The following PDE6B variants were observed in gnomAD, a reference collection of about 807,000 sequenced individuals.
The protein encoded by PDE6B is phosphodiesterase 6B, also known as rod cGMP-specific 3',5'-cyclic phosphodiesterase subunit beta.
Under a neutral mutation model 109.0 loss-of-function variants are expected in PDE6B, and 106 were observed. That is an observed-to-expected ratio of 0.97 (90% CI 0.83 to 1.14). The LOEUF is 1.14. Ranked by LOEUF, PDE6B falls within the 50% of genes most tolerant of loss-of-function variation. PDE6B has a pLI of 0.00. For missense variants in PDE6B, 1,193 were observed against 1,155.6 expected, an observed-to-expected ratio of 1.03 and a Z score of -0.47; for synonymous variants, 490 against 471.3, an observed-to-expected ratio of 1.04 and a Z score of -0.51.
Position 670,118 on chromosome 4 carries a change from C to T in PDE6B, c.*11C>T, listed in dbSNP as rs1048934516. 3.7e-5 allele frequency: 59 copies of T among 1,610,934 alleles called. No individual in the cohort carries two copies. The highest frequency in any genetic ancestry group is 4.4e-5 in the Non-Finnish European group (52 of 1,177,796). On this transcript the variant is annotated 3_prime_UTR_variant, in exon 22 of 22. Coordinates refer to ENST00000496514, the MANE Select transcript of PDE6B (RefSeq NM_000283.4). ...TGCTGTATCCTGTGAGCACTGGTCCCATGGGGACCCTATGGCTCCCTCAAT... is the reference window on the plus strand; with the variant it reads ...TGCTGTATCCTGTGAGCACTGGTCCTATGGGGACCCTATGGCTCCCTCAAT...
rs779476643 is a variant in PDE6B, at chr4:660,607, C to T, written c.1608C>T (p.Pro536=). ...ELGVVRKFQI[P]QEVLVRFLFS... is the part of the protein sequence containing the mutation. ...GCGTGGTCCGAAAGTTCCAGATCCCCCAGGAGGTGGGAGACACCGCAGGGC... is the reference window on the plus strand; with the variant it reads ...GCGTGGTCCGAAAGTTCCAGATCCCTCAGGAGGTGGGAGACACCGCAGGGC... The change falls in exon 12 of 22, where the codon CCC becomes CCT. Residue 536 remains proline, a synonymous_variant. Transcript: ENST00000496514. The T allele has an allele frequency of 1.2e-5, 19 of 1,613,586 alleles. No individual in the cohort carries two copies. Among genetic ancestry groups the T allele is most frequent in the Non-Finnish European group, 1.6e-5 (19 of 1,179,898 alleles).
Position 625,826 on chromosome 4 carries a change from A to G in PDE6B, c.200A>G (p.Gln67Arg), listed in dbSNP as rs1218102158. The change falls in exon 1 of 22, where the codon CAG becomes CGG. Residue 67 changes from glutamine (Q) to arginine (R), a missense_variant. Physicochemically the swap from Gln to Arg is conservative, Grantham distance 43 (BLOSUM62 1). Coordinates refer to ENST00000496514, the MANE Select transcript of PDE6B (RefSeq NM_000283.4). The surrounding 1 kb of genome is among the most constrained non-coding windows in gnomAD (Gnocchi z 5.0). ...CTGCTGGAGCTGGTGCAGGATATGCAGGAGAGCATCAACATGGAGCGCGTG... is the reference window on the plus strand; with the variant it reads ...CTGCTGGAGCTGGTGCAGGATATGCGGGAGAGCATCAACATGGAGCGCGTG... Reference protein sequence around the residue: ...TALLELVQDMQESINMERVVF... With the variant: ...TALLELVQDMRESINMERVVF... 6.2e-7 allele frequency: 1 copy of G among 1,613,112 alleles called. No homozygotes were observed. Among genetic ancestry groups the G allele is most frequent in the Admixed American group, 1.7e-5 (1 of 60,020 alleles).
intron 3 of PDE6B, chr4:653,630 G>C (rs1735805523): frequency 3.2e-6 from 2 of 623,890 alleles, no homozygotes; most frequent in African/African-American, 3.6e-5. Flanking sequence ...CACGACCGCA[G>C]CCTCGAGGCC....
At chr4:653,635 G>A (rs570554954) in intron 3 of PDE6B, 238 of 634,490 alleles carry the variant, frequency 3.8e-4, no homozygotes, top group Non-Finnish European at 6.0e-4. Context: ...CCGCAGCCTC[G>A]AGGCCTCACC....
rs1737731755 is a variant in PDE6B at position 665,832 on chromosome 4, C to G, written c.2268+503C>G. ...CCAGGAACAGGAGAGGCAGGGCTGCCCCAGCCCCACGTGGACCAGGTGGGA... is the reference window on the plus strand; with the variant it reads ...CCAGGAACAGGAGAGGCAGGGCTGCGCCAGCCCCACGTGGACCAGGTGGGA... On this transcript the variant is annotated intron_variant, in intron 19 of 21. Coordinates refer to ENST00000496514, the MANE Select transcript of PDE6B (RefSeq NM_000283.4). The surrounding 1 kb of genome is among the most constrained non-coding windows in gnomAD (Gnocchi z 4.0). Among the ~76,000 whole-genome samples, 1 of 152,102 alleles carries G rather than the reference C, an allele frequency of 6.6e-6. No homozygotes were observed. Among genetic ancestry groups the G allele is most frequent in the Non-Finnish European group, 1.5e-5 (1 of 67,998 alleles).
chr4:665,479 C>T lies in PDE6B; in HGVS notation c.2268+150C>T, dbSNP rs1466082611. 1.4e-5 allele frequency: 10 copies of T among 702,330 alleles called. No homozygotes were observed. Among genetic ancestry groups the T allele is most frequent in the East Asian group, 5.5e-5 (2 of 36,536 alleles). 43.5% of individuals were successfully genotyped at this position (702,330 alleles called of 1,614,324 possible). On this transcript the variant is annotated intron_variant, in intron 19 of 21. Transcript: ENST00000496514. This position sits in a 1 kb window ranked among gnomAD's most constrained non-coding sequence, Gnocchi z 4.0. Reference sequence around the variant, plus strand: ...TCACTTTGTGGGATCATGTGACATGCGTGTGGGTGGCTCGGACCTGGGTAC... The same window carrying T: ...TCACTTTGTGGGATCATGTGACATGTGTGTGGGTGGCTCGGACCTGGGTAC...
intron 1 of PDE6B, among the ~76,000 whole-genome samples, chr4:627,159 T>C (rs1433273063): frequency 1.3e-5 from 2 of 151,482 alleles, no homozygotes; most frequent in Non-Finnish European, 3.0e-5. Context: ...GGTTTTTTTT[T>C]TTTTTGAGAC....
chr4:665,733 C>T lies in PDE6B; in HGVS notation c.2268+404C>T, dbSNP rs1277370246. 1.3e-5 allele frequency among the ~76,000 whole-genome samples: 2 copies of T among 152,194 alleles called. No individual in the cohort carries two copies. Among genetic ancestry groups the T allele is most frequent in the East Asian group, 3.9e-4 (2 of 5,176 alleles). On this transcript the variant is annotated intron_variant, in intron 19 of 21. Transcript: ENST00000496514. The surrounding 1 kb of genome is among the most constrained non-coding windows in gnomAD (Gnocchi z 4.0). ...GTATGATGGACAATGCCAGGGTCCT[C>T]AGGTCAGCAGCGGGGTCTGGATACC... is the stretch of plus-strand genomic sequence containing the variant.
Position 643,531 on chromosome 4 carries a change from A to G in PDE6B, c.711+7562A>G, listed in dbSNP as rs140935533. On this transcript the variant is annotated intron_variant, in intron 3 of 21. Coordinates refer to ENST00000496514, the MANE Select transcript of PDE6B (RefSeq NM_000283.4). ...TTTGGTCAGATTCACCAGTGAAACT[A>G]TTAGGGACTGGTGCTTTCTTTTTGG... 1.9e-3 allele frequency among the ~76,000 whole-genome samples: 295 copies of G among 152,276 alleles called. 1 individual carries two copies. Among genetic ancestry groups the G allele is most frequent in the African/African-American group, 6.7e-3 (279 of 41,538 alleles).
At chr4:638,001 G>A (rs1307575006) in intron 3 of PDE6B, among the ~76,000 whole-genome samples, 1 of 152,170 alleles carries the variant, frequency 6.6e-6, no homozygotes, top group Non-Finnish European at 1.5e-5. Context: ...TAGAATACGG[G>A]GTTGATGAAG....
At position 655,922 on chromosome 4, in the gene PDE6B, C is replaced by T. The variant is rs374725416; in HGVS notation, c.993-18C>T. 131 of 1,569,776 alleles carry T rather than the reference C, an allele frequency of 8.3e-5. No individual in the cohort carries two copies. In the African/African-American group the frequency reaches 1.3e-3, roughly 16 times the overall value. On this transcript the variant is annotated intron_variant, in intron 6 of 21. Coordinates refer to ENST00000496514, the MANE Select transcript of PDE6B (RefSeq NM_000283.4). Reference sequence around the variant, plus strand: ...CCAGCCCGGCGTGGCCTATCTGACCCCTGCTCTCTGCCCACAGCACACCCT... The same window carrying T: ...CCAGCCCGGCGTGGCCTATCTGACCTCTGCTCTCTGCCCACAGCACACCCT...
chr4:653,594 C>G (rs1278887174), intron 3 of PDE6B: 6 of 582,364 alleles, frequency 1.0e-5, no homozygotes, highest in Non-Finnish European at 1.8e-5. Context: ...CCACTTTCCA[C>G]TCGTCCACTC....
chr4:660,387 G>A lies in PDE6B; in HGVS notation c.1468-80G>A, dbSNP rs1442988733. ...CTGAGGTGTCTGAGGCTTGGCAGGG[G>A]ATCTGGAGAGAAGAAAGGATGAGAA... On this transcript the variant is annotated intron_variant, in intron 11 of 21. Coordinates refer to ENST00000496514, the MANE Select transcript of PDE6B (RefSeq NM_000283.4). The A allele has an allele frequency of 1.8e-5, 25 of 1,410,036 alleles. No homozygotes were observed. The East Asian group carries it at 5.2e-4, about 30-fold the overall frequency. 87.3% of individuals were successfully genotyped at this position (1,410,036 alleles called of 1,614,324 possible).
At chr4:635,993 C>T in intron 3 of PDE6B, 24 bp downstream of exon 3, 1 of 1,434,192 alleles carries the variant, frequency 7.0e-7, no homozygotes, top group Non-Finnish European at 9.8e-7. Context: ...GAGCACAGCT[C>T]TGCCCACGAG....
chr4:664,905 C>A lies in PDE6B; in HGVS notation c.2154C>A (p.Asp718Glu), dbSNP rs748726198. ...IVMAMMMTACDLSAITKPWEV... is the reference protein window; with the variant it reads ...IVMAMMMTACELSAITKPWEV... ...GGGCCATGATGATGACAGCCTGCGA[C>A]CTGTCTGCCATCACCAAGCCCTGGG... The change falls in exon 18 of 22, where the codon GAC becomes GAA. Residue 718 changes from aspartate (D) to glutamate (E), a missense_variant. Asp to Glu is a conservative substitution (Grantham distance 45). Transcript: ENST00000496514. The A allele has an allele frequency of 1.9e-6, 3 of 1,613,340 alleles. No individual in the cohort carries two copies. The highest frequency in any genetic ancestry group is 2.5e-6 in the Non-Finnish European group (3 of 1,179,956).
chr4:661,761 C>T (rs1737131114), intron 12 of PDE6B: 1 of 329,014 alleles, frequency 3.0e-6, no homozygotes, highest in African/African-American at 2.2e-5. Flanking sequence ...AGCCTGCAGC[C>T]CACACATTCT....
chr4:645,113 A>G (rs1490400009), intron 3 of PDE6B, among the ~76,000 whole-genome samples: 1 of 151,838 alleles, frequency 6.6e-6, no homozygotes, highest in Non-Finnish European at 1.5e-5. Context: ...TAATATAGCT[A>G]CCCCAGTGTC....
At position 662,456 on chromosome 4, in the gene PDE6B, T is replaced by C. The variant is rs1337986985; in HGVS notation, c.1723-53T>C. 4 of 1,281,366 alleles carry C rather than the reference T, an allele frequency of 3.1e-6. No individual in the cohort carries two copies. The Admixed American group carries it at 5.0e-5, about 16-fold the overall frequency. 79.4% of individuals were successfully genotyped at this position (1,281,366 alleles called of 1,614,324 possible). A position where few individuals can be genotyped will look rare whatever the true frequency, so the allele number is the denominator to read the frequency against. On this transcript the variant is annotated intron_variant, in intron 13 of 21. Transcript: ENST00000496514. This position sits in a 1 kb window ranked among gnomAD's most constrained non-coding sequence, Gnocchi z 4.3. ...CTAGGTCATCCCAACCCCTCACCAC[T>C]CCCCACCCTGCTGGAGCCAGGACCG...
At chr4:656,801 A>G in intron 8 of PDE6B, 73 bp from the exon 9 acceptor site, 1 of 1,418,176 alleles carries the variant, frequency 7.1e-7, no homozygotes, top group Non-Finnish European at 9.9e-7. Context: ...ACATGAGGTC[A>G]CTCTCCCCGG....
Sources: gnomAD v4.1 joint callset for allele counts (sites outside exome capture counted in the v4.1 genomes callset) on GRCh38, gnomAD v4.1.1 for gene constraint, Gnocchi (gnomAD v3.1) non-coding constraint, MANE v1.5 for transcripts, NCBI Gene and HGNC (gene_info 2026-07-23, HGNC 2026-07-21) for gene names.